Variants in AGBL1 observed in about 807,000 individuals in gnomAD.
AGBL1 encodes AGBL carboxypeptidase 1, also known as cytosolic carboxypeptidase 4.
AGBL1 carries 130 observed loss-of-function variants against 118.9 expected under a neutral mutation model. The observed-to-expected ratio is 1.09, with a 90% CI of 0.95 to 1.26. AGBL1 has a LOEUF of 1.26. AGBL1 is among the 50% of genes most tolerant of loss of function. The pLI is 0.00. For synonymous variants in AGBL1, 555 were observed against 478.9 expected, an observed-to-expected ratio of 1.16 and a Z score of -2.08; for missense variants, 1,584 against 1,298.1, an observed-to-expected ratio of 1.22 and a Z score of -3.38.
Position 86,874,020 on chromosome 15 carries a change from T to G in AGBL1, c.3159-33067T>G, listed in dbSNP as rs77838075. ...CATTTACTATATCTTTTCTCAGTTT[T>G]TAAATCTCTGTAATGGGGACAATAC... is the stretch of plus-strand genomic sequence containing the variant. On this transcript the variant is annotated intron_variant, in intron 22 of 22. Coordinates refer to ENST00000614907, the MANE Select transcript of AGBL1 (RefSeq NM_001386094.1). Among the ~76,000 whole-genome samples, 1,304 of 152,260 alleles carry G rather than the reference T, an allele frequency of 8.6e-3. 15 individuals are homozygous for G. Among genetic ancestry groups the G allele is most frequent in the African/African-American group, 0.03 (1,259 of 41,538 alleles).
chr15:86,847,295 G>C (rs2079333749), intron 22 of AGBL1, among the ~76,000 whole-genome samples: 1 of 152,092 alleles, frequency 6.6e-6, no homozygotes, highest in Non-Finnish European at 1.5e-5. Context: ...TTTCACTTTT[G>C]AATAAGGGTC....
chr15:86,633,379 TAAA>T (rs965687039), intron 21 of AGBL1, among the ~76,000 whole-genome samples: 8 of 152,230 alleles, frequency 5.3e-5, no homozygotes, highest in South Asian at 2.1e-4. Context: ...GCTGCTAAGT[TAAA>T]AAAATCTCTA....
chr15:86,471,851 C>A (rs376422786), intron 18 of AGBL1, among the ~76,000 whole-genome samples: 12 of 152,092 alleles, frequency 7.9e-5, no homozygotes, highest in African/African-American at 2.9e-4. Flanking sequence ...CCATAGGAAC[C>A]CACGAATATG....
chr15:86,933,767 T>G (rs958504635), intron 23 of AGBL1, among the ~76,000 whole-genome samples: 11 of 152,206 alleles, frequency 7.2e-5, no homozygotes, highest in African/African-American at 2.7e-4. Context: ...CCACTAAGTC[T>G]TCTCTTACAC....
chr15:86,153,623 C>T (rs57099438), intron 3 of AGBL1, among the ~76,000 whole-genome samples: 2 of 152,108 alleles, frequency 1.3e-5, no homozygotes, highest in Non-Finnish European at 2.9e-5. Context: ...CAAACCTGCA[C>T]GTTGTGCACA....
At chr15:86,381,728 G>C (rs188696539) in intron 17 of AGBL1, among the ~76,000 whole-genome samples, 4 of 152,296 alleles carry the variant, frequency 2.6e-5, no homozygotes, top group Non-Finnish European at 5.9e-5. Context: ...TGGTCAAGAA[G>C]AGAGGGCGTG....
chr15:86,951,744 C>A (rs1438524483), intron 23 of AGBL1, among the ~76,000 whole-genome samples: 1 of 152,122 alleles, frequency 6.6e-6, no homozygotes, highest in South Asian at 2.1e-4. Context: ...GCTCCACACT[C>A]ATGATTTGGG....
At chr15:86,406,158 C>T (rs113862658) in intron 18 of AGBL1, among the ~76,000 whole-genome samples, 3,679 of 152,322 alleles carry the variant, frequency 0.024, 59 homozygotes, top group Middle Eastern at 0.068. Context: ...TTGATTGCAG[C>T]TGCTCTGGTC....
Position 86,908,175 on chromosome 15 carries a change from G to A in AGBL1, c.*881G>A, listed in dbSNP as rs1283787660. Reference sequence around the variant, plus strand: ...ATATCTATATCATAAAATTATTGTAGGATGAAATGAGATGATATATAAAAG... The same window carrying A: ...ATATCTATATCATAAAATTATTGTAAGATGAAATGAGATGATATATAAAAG... On this transcript the variant is annotated 3_prime_UTR_variant, in exon 23 of 23. Coordinates refer to ENST00000614907, the MANE Select transcript of AGBL1 (RefSeq NM_001386094.1). The A allele has an allele frequency of 6.6e-6, 1 of 152,090 alleles. No individual in the cohort carries two copies. Among genetic ancestry groups the A allele is most frequent in the Non-Finnish European group, 1.5e-5 (1 of 68,032 alleles). The allele number at this position is 152,090 out of a possible 1,614,324, so 9.4% of individuals were successfully genotyped here. A position where few individuals can be genotyped will look rare whatever the true frequency, so the allele number is the denominator to read the frequency against.
chr15:86,686,258 T>A (rs1379412395), intron 22 of AGBL1, among the ~76,000 whole-genome samples: 1 of 152,128 alleles, frequency 6.6e-6, no homozygotes, highest in Admixed American at 6.6e-5. Context: ...CCATCTCCTA[T>A]CAGTGAAGTG....
chr15:86,843,860 T>G (rs1376342922), intron 22 of AGBL1, among the ~76,000 whole-genome samples: 1 of 152,196 alleles, frequency 6.6e-6, no homozygotes, highest in Admixed American at 6.5e-5. Context: ...TCATCATCCC[T>G]ATTTTCCTTG....
chr15:86,272,956 G>A (rs1179909792), intron 15 of AGBL1, among the ~76,000 whole-genome samples: 1 of 152,038 alleles, frequency 6.6e-6, no homozygotes, highest in Non-Finnish European at 1.5e-5. Context: ...TCACCTCAAG[G>A]TGATAGTCTG....
chr15:87,006,927 G>T (rs141329463), intron 24 of AGBL1, among the ~76,000 whole-genome samples: 1 of 152,136 alleles, frequency 6.6e-6, no homozygotes, highest in Non-Finnish European at 1.5e-5. Context: ...GAGTGAGACA[G>T]GGGGTTGAGC....
At chr15:86,853,501 A>G (rs2079435066) in intron 22 of AGBL1, among the ~76,000 whole-genome samples, 1 of 152,198 alleles carries the variant, frequency 6.6e-6, no homozygotes, top group South Asian at 2.1e-4. Context: ...TCTTTAAAGA[A>G]ATTAAAGAAC....
chr15:86,263,549 A>G (rs1018991441), intron 10 of AGBL1, among the ~76,000 whole-genome samples: 6 of 152,226 alleles, frequency 3.9e-5, no homozygotes, highest in African/African-American at 1.4e-4. Context: ...GCAAATAAAA[A>G]TTCATGATGA....
At chr15:86,262,695 A>C (rs370113284) in intron 9 of AGBL1, 83 bp from the exon 10 acceptor site, 1 of 928,108 alleles carries the variant, frequency 1.1e-6, no homozygotes, top group South Asian at 1.4e-5. Flanking sequence ...TAAGATTCTG[A>C]AGAAGCACAT....
chr15:86,516,155 G>A (rs1165329632), intron 18 of AGBL1, among the ~76,000 whole-genome samples: 1 of 152,186 alleles, frequency 6.6e-6, no homozygotes, highest in Non-Finnish European at 1.5e-5. Context: ...TGAAACAACA[G>A]GGCAGAGAAA....
intron 15 of AGBL1, among the ~76,000 whole-genome samples, chr15:86,272,468 A>G (rs2079176944): frequency 6.6e-6 from 1 of 152,204 alleles, no homozygotes; most frequent in Non-Finnish European, 1.5e-5. Flanking sequence ...AGAGACTAGT[A>G]CTTACTTTCT....
At chr15:86,545,091 G>A (rs2083561516) in intron 19 of AGBL1, among the ~76,000 whole-genome samples, 1 of 152,178 alleles carries the variant, frequency 6.6e-6, no homozygotes, top group Non-Finnish European at 1.5e-5. Context: ...CCACGCTTCA[G>A]TAGAAGCTTT....
Sources: gnomAD v4.1 joint callset for allele counts (sites outside exome capture counted in the v4.1 genomes callset) on GRCh38, gnomAD v4.1.1 for gene constraint, MANE v1.5 for transcripts, NCBI Gene and HGNC (gene_info 2026-07-23, HGNC 2026-07-21) for gene names.